CBFA2T3: variants seen among roughly 807,000 people sequenced by gnomAD.
CBFA2T3 encodes the protein CBFA2/RUNX1 partner transcriptional co-repressor 3, also known as transcriptional corepressor CBFA2T3.
CBFA2T3 carries 31 observed loss-of-function variants against 58.6 expected under a neutral mutation model. The observed-to-expected ratio is 0.53, with a 90% CI of 0.40 to 0.71. The LOEUF (loss-of-function observed/expected upper bound fraction) is 0.71. Ranked by LOEUF, CBFA2T3 falls within the 30% of genes least tolerant of loss-of-function variation. The probability of loss-of-function intolerance (pLI) is 0.00; values close to 1 mark genes in which losing one functional copy is unlikely to be tolerated. For missense variants in CBFA2T3, 1,076 were observed against 963.1 expected (o/e 1.12, Z -1.55); for synonymous variants, 531 against 421.9 (o/e 1.26, Z -3.17).
At chr16:88,906,878 C>T (rs1037140585) in intron 1 of CBFA2T3, among the ~76,000 whole-genome samples, 2 of 152,222 alleles carry the variant, frequency 1.3e-5, no homozygotes, top group East Asian at 3.8e-4. Flanking sequence ...CTTGCTGGGA[C>T]AGCCCAGGCA....
intron 1 of CBFA2T3, chr16:88,939,964 C>G (rs1971652550): frequency 6.6e-6 from 1 of 151,798 alleles, no homozygotes; most frequent in Non-Finnish European, 1.5e-5. Flanking sequence ...CCGGCCGACC[C>G]GTCCGCCGAG....
At chr16:88,886,179 G>C in intron 5 of CBFA2T3, 37 bp from the exon 6 acceptor site, 1 of 1,464,816 alleles carries the variant, frequency 6.8e-7, no homozygotes, top group Non-Finnish European at 9.1e-7. Flanking sequence ...GTAGCATGCA[G>C]GGGTGCACAG....
chr16:88,963,296 C>T lies in CBFA2T3; in HGVS notation c.151+13361G>A, dbSNP rs1461926143. Among the ~76,000 whole-genome samples, 7 of 149,032 alleles carry T rather than the reference C, an allele frequency of 4.7e-5. No homozygotes were observed. The East Asian group carries it at 1.4e-3, about 29-fold the overall frequency. On this transcript the variant is annotated intron_variant, in intron 1 of 11. Transcript: ENST00000268679. Reference sequence around the variant, plus strand: ...GCGCTCGTCTTCTGCCAGGGGTGGGCGCTCATCTTCTGCCAGGGGCGGGCG... The same window carrying T: ...GCGCTCGTCTTCTGCCAGGGGTGGGTGCTCATCTTCTGCCAGGGGCGGGCG...
At position 88,929,127 on chromosome 16, in the gene CBFA2T3, C is replaced by A. The variant is rs1297629200; in HGVS notation, c.152-27471G>T. On this transcript the variant is annotated intron_variant, in intron 1 of 11. Transcript: ENST00000268679. ...GGGGTAGAAGCAAAGAAACCAGGTA[C>A]AGAATCTGGCACAAGTCACGCGGTC... Among the ~76,000 whole-genome samples the A allele has an allele frequency of 2.0e-5, 3 of 152,172 alleles. No homozygotes were observed. The East Asian group carries it at 5.8e-4, about 29-fold the overall frequency.
intron 5 of CBFA2T3, among the ~76,000 whole-genome samples, chr16:88,890,097 G>T (rs937160042): frequency 1.3e-5 from 2 of 150,986 alleles, no homozygotes; most frequent in Admixed American, 6.6e-5. Context: ...TCCTCCAGGG[G>T]ACGTTTCAAA....
At chr16:88,895,864 CCT>C (rs1445932669) in intron 3 of CBFA2T3, among the ~76,000 whole-genome samples, 2 of 152,220 alleles carry the variant, frequency 1.3e-5, no homozygotes, top group South Asian at 2.1e-4. Flanking sequence ...CCAGACGTGC[CCT>C]GTGAGTCAGA....
At chr16:88,925,350 CCCTGACTCATCCA>C (rs1434459282) in intron 1 of CBFA2T3, among the ~76,000 whole-genome samples, 1 of 152,182 alleles carries the variant, frequency 6.6e-6, no homozygotes, top group Non-Finnish European at 1.5e-5. Context: ...CTTCCGGGTA[CCCTGACTCATCCA>C]CCAGGCGCTC....
intron 1 of CBFA2T3, among the ~76,000 whole-genome samples, chr16:88,928,618 G>A (rs1401999700): frequency 6.6e-6 from 1 of 152,258 alleles, no homozygotes; most frequent in African/African-American, 2.4e-5. Context: ...GGTGGGGTAT[G>A]GGGACCGTCC....
At chr16:88,968,962 G>C (rs1017350541) in intron 1 of CBFA2T3, among the ~76,000 whole-genome samples, 3 of 152,192 alleles carry the variant, frequency 2.0e-5, no homozygotes, top group Non-Finnish European at 4.4e-5. Flanking sequence ...CAAATCGGGG[G>C]CCAGGAGCCT....
At chr16:88,913,834 A>G (rs1053258966) in intron 1 of CBFA2T3, among the ~76,000 whole-genome samples, 3 of 152,242 alleles carry the variant, frequency 2.0e-5, no homozygotes, top group African/African-American at 2.4e-5. Flanking sequence ...AAGGAACCTG[A>G]AAATCACACC....
At chr16:88,891,211 G>A (rs1467214530) in intron 5 of CBFA2T3, among the ~76,000 whole-genome samples, 1 of 151,868 alleles carries the variant, frequency 6.6e-6, no homozygotes, top group Non-Finnish European at 1.5e-5. Flanking sequence ...CACGTATTCT[G>A]TTCCAGTCAC....
intron 1 of CBFA2T3, among the ~76,000 whole-genome samples, chr16:88,915,043 C>A (rs1393550283): frequency 6.6e-6 from 1 of 151,166 alleles, no homozygotes; most frequent in African/African-American, 2.4e-5. Context: ...GCTGTCCTTA[C>A]CCAGCACTGG....
intron 1 of CBFA2T3, among the ~76,000 whole-genome samples, chr16:88,921,934 C>T (rs993023642): frequency 1.2e-4 from 18 of 152,348 alleles, no homozygotes; most frequent in East Asian, 3.9e-4. Context: ...CCTCTCTGCG[C>T]GGCGCATTTT....
chr16:88,879,176 G>A (rs948398652), intron 11 of CBFA2T3, 94 bp downstream of exon 11: 1 of 1,111,988 alleles, frequency 9.0e-7, no homozygotes, highest in Non-Finnish European at 1.3e-6. Context: ...CTGTGCTGAT[G>A]CCACGTGGAG....
At chr16:88,923,194 A>G (rs1440308355) in intron 1 of CBFA2T3, among the ~76,000 whole-genome samples, 1 of 152,310 alleles carries the variant, frequency 6.6e-6, no homozygotes, top group East Asian at 1.9e-4. Context: ...TTGGGGTTTG[A>G]AGTCAGCGTC....
At chr16:88,920,842 G>A (rs1182689277) in intron 1 of CBFA2T3, among the ~76,000 whole-genome samples, 1 of 152,220 alleles carries the variant, frequency 6.6e-6, no homozygotes, top group Non-Finnish European at 1.5e-5. Context: ...GCCCACCTGA[G>A]GCTGCCTCCC....
rs1429340081 is a variant in CBFA2T3, at chr16:88,901,611, G to A, written c.197C>T (p.Pro66Leu). The A allele has an allele frequency of 2.0e-6, 3 of 1,523,808 alleles. No homozygotes were observed. Among genetic ancestry groups the A allele is most frequent in the Non-Finnish European group, 2.6e-6 (3 of 1,148,140 alleles). The allele number at this position is 1,523,808 out of a possible 1,614,324, so 94.4% of individuals were successfully genotyped here. Residue 66 changes from proline (P) to leucine (L), a missense_variant, in exon 2 of 12, where the codon CCA becomes CTA. Physicochemically the swap from Pro to Leu is moderately conservative, Grantham distance 98 (BLOSUM62 -3). Coordinates refer to ENST00000268679, the MANE Select transcript of CBFA2T3 (RefSeq NM_005187.6). ...KAKASAMPDS[P>L]AEVKTQPRST... is the part of the protein sequence containing the mutation. ...CCGGGGCTGCGTCTTCACCTCCGCT[G>A]GGGAGTCCGGCATCGCTGAGGCCTT...
intron 1 of CBFA2T3, among the ~76,000 whole-genome samples, chr16:88,928,154 G>C (rs114184334): frequency 6.6e-6 from 1 of 152,218 alleles, no homozygotes; most frequent in East Asian, 1.9e-4. Flanking sequence ...TCCTTGGCCC[G>C]AGGGTCTCTG....
chr16:88,876,600 G>GA lies in CBFA2T3; in HGVS notation c.*375dup, dbSNP rs1968836568. ...GTGTGATAGTCATAGAGAGAGAGAG[G>GA]ATAGAGAAGACAGAGGGGGAGAGAC... On this transcript the variant is annotated 3_prime_UTR_variant, in exon 12 of 12. Coordinates refer to ENST00000268679, the MANE Select transcript of CBFA2T3 (RefSeq NM_005187.6). 1 of 279,000 alleles carries GA rather than the reference G, an allele frequency of 3.6e-6. No homozygotes were observed. Among genetic ancestry groups the GA allele is most frequent in the African/African-American group, 2.2e-5 (1 of 46,324 alleles). The allele number at this position is 279,000 out of a possible 1,614,324, so 17.3% of individuals were successfully genotyped here. A position where few individuals can be genotyped will look rare whatever the true frequency, so the allele number is the denominator to read the frequency against.
Sources: gnomAD v4.1 joint callset for allele counts (sites outside exome capture counted in the v4.1 genomes callset) on GRCh38, gnomAD v4.1.1 for gene constraint, MANE v1.5 for transcripts, NCBI Gene and HGNC (gene_info 2026-07-23, HGNC 2026-07-21) for gene names.